The following MAGI2 variants were observed in gnomAD, a reference collection of about 807,000 sequenced individuals.
The protein encoded by MAGI2 is membrane associated guanylate kinase, WW and PDZ domain containing 2, also known as membrane-associated guanylate kinase, WW and PDZ domain-containing protein 2.
A neutral mutation model predicts 133.3 loss-of-function variants in MAGI2; 35 were observed. The observed-to-expected ratio is 0.26, with a 90% CI of 0.20 to 0.35. MAGI2 has a LOEUF of 0.35. MAGI2 is among the 10% of genes least tolerant of loss of function. MAGI2 has a pLI of 1.00. For synonymous variants in MAGI2, 729 were observed against 710.6 expected, an observed-to-expected ratio of 1.03 and a Z score of -0.41; for missense variants, 1,636 against 1,863.4, an observed-to-expected ratio of 0.88 and a Z score of 2.25.
chr7:78,883,239 T>A (rs1361625081), intron 2 of MAGI2, among the ~76,000 whole-genome samples: 5 of 151,618 alleles, frequency 3.3e-5, no homozygotes, highest in African/African-American at 1.2e-4. Flanking sequence ...CAAGACGCAA[T>A]CCCATTTGTA....
At chr7:78,800,371 T>G (rs984166594) in intron 2 of MAGI2, among the ~76,000 whole-genome samples, 1 of 152,124 alleles carries the variant, frequency 6.6e-6, no homozygotes, top group African/African-American at 2.4e-5. Flanking sequence ...CCTTCCATAT[T>G]GTGGCTCCCT....
intron 1 of MAGI2, among the ~76,000 whole-genome samples, chr7:79,397,180 G>T (rs1192706683): frequency 4.0e-5 from 6 of 148,736 alleles, no homozygotes. Context: ...ATATATATAT[G>T]TTATTTTAGT....
intron 1 of MAGI2, among the ~76,000 whole-genome samples, chr7:79,072,834 A>G (rs1004210086): frequency 6.6e-6 from 1 of 152,204 alleles, no homozygotes; most frequent in Non-Finnish European, 1.5e-5. Flanking sequence ...TTGTAAAACT[A>G]TATAATGAAG....
chr7:78,625,110 T>A (rs188497205), intron 3 of MAGI2, among the ~76,000 whole-genome samples: 2 of 152,208 alleles, frequency 1.3e-5, no homozygotes, highest in Non-Finnish European at 2.9e-5. Flanking sequence ...GGCTAATGTG[T>A]GTGGTTGTGT....
At chr7:78,738,348 G>T (rs1480693645) in intron 2 of MAGI2, among the ~76,000 whole-genome samples, 1 of 151,660 alleles carries the variant, frequency 6.6e-6, no homozygotes, top group African/African-American at 2.4e-5. Flanking sequence ...AATATTTTAA[G>T]ACTTTTTTTT....
At chr7:78,491,042 T>C (rs1437986123) in intron 5 of MAGI2, among the ~76,000 whole-genome samples, 6 of 152,130 alleles carry the variant, frequency 3.9e-5, no homozygotes, top group Admixed American at 3.9e-4. Context: ...AATGATGATA[T>C]AAATTTCACA....
intron 7 of MAGI2, among the ~76,000 whole-genome samples, chr7:78,353,908 C>G (rs1488689019): frequency 6.6e-6 from 1 of 152,152 alleles, no homozygotes; most frequent in Non-Finnish European, 1.5e-5. Flanking sequence ...TTTGTTTAGT[C>G]TGAAGATCTC....
intron 9 of MAGI2, among the ~76,000 whole-genome samples, chr7:78,269,648 A>G (rs1794369090): frequency 6.6e-6 from 1 of 151,578 alleles, no homozygotes; most frequent in African/African-American, 2.4e-5. Context: ...TTTCTTACAC[A>G]TTTGTTTAAG....
At chr7:78,078,646 A>C (rs1815614351) in intron 21 of MAGI2, 1 of 503,508 alleles carries the variant, frequency 2.0e-6, no homozygotes, top group Non-Finnish European at 3.4e-6. Context: ...CTAATATTTA[A>C]GTGGTGCTAG....
chr7:78,645,138 G>A (rs963947076), intron 2 of MAGI2, among the ~76,000 whole-genome samples: 2 of 151,472 alleles, frequency 1.3e-5, no homozygotes, highest in Non-Finnish European at 3.0e-5. Flanking sequence ...GTGTATGTCA[G>A]TGTGTGTCTA....
At chr7:79,407,060 T>C (rs767113085) in intron 1 of MAGI2, among the ~76,000 whole-genome samples, 2 of 152,110 alleles carry the variant, frequency 1.3e-5, no homozygotes, top group Non-Finnish European at 2.9e-5. Flanking sequence ...GAAAGATGGA[T>C]TATTAAAGAA....
intron 1 of MAGI2, among the ~76,000 whole-genome samples, chr7:79,201,053 G>T (rs913495209): frequency 6.6e-6 from 1 of 151,872 alleles, no homozygotes; most frequent in African/African-American, 2.4e-5. Flanking sequence ...TGCAATCAAC[G>T]TACTCCAAGA....
intron 1 of MAGI2, among the ~76,000 whole-genome samples, chr7:79,068,363 T>G (rs1443316245): frequency 6.6e-6 from 1 of 152,200 alleles, no homozygotes; most frequent in East Asian, 1.9e-4. Context: ...ATTTATCCAT[T>G]TCTTCTAGAT....
intron 6 of MAGI2, among the ~76,000 whole-genome samples, chr7:78,421,115 T>TC (rs745997003): frequency 2.8e-4 from 42 of 152,266 alleles, no homozygotes; most frequent in Non-Finnish European, 4.9e-4. Context: ...TTGCAAACAA[T>TC]CACCTTGTCA....
intron 9 of MAGI2, among the ~76,000 whole-genome samples, chr7:78,313,247 G>A (rs1355311813): frequency 1.3e-5 from 2 of 151,982 alleles, no homozygotes; most frequent in East Asian, 3.9e-4. Flanking sequence ...TGAATACCAT[G>A]TACACTATTC....
intron 2 of MAGI2, among the ~76,000 whole-genome samples, chr7:78,858,959 T>C (rs1191122314): frequency 2.0e-5 from 3 of 152,214 alleles, no homozygotes; most frequent in Admixed American, 2.0e-4. Flanking sequence ...AGTTAGCTCT[T>C]CTTGTTGAAT....
chr7:79,101,128 T>A (rs191027968), intron 1 of MAGI2, among the ~76,000 whole-genome samples: 2 of 152,126 alleles, frequency 1.3e-5, no homozygotes, highest in East Asian at 3.9e-4. Flanking sequence ...AAAAACATTA[T>A]ACTTATTTTT....
chr7:78,832,193 A>T (rs1791229574), intron 2 of MAGI2, among the ~76,000 whole-genome samples: 2 of 152,112 alleles, frequency 1.3e-5, no homozygotes, highest in South Asian at 4.1e-4. Flanking sequence ...TCTCTTAAAT[A>T]TTCCTTACAG....
At chr7:79,436,771 T>C (rs1848172359) in intron 1 of MAGI2, among the ~76,000 whole-genome samples, 4 of 152,204 alleles carry the variant, frequency 2.6e-5, no homozygotes, top group Admixed American at 6.6e-5. Context: ...GTTCAATCCC[T>C]GTGGAAAGCA....
Sources: gnomAD v4.1 joint callset for allele counts (sites outside exome capture counted in the v4.1 genomes callset) on GRCh38, gnomAD v4.1.1 for gene constraint, MANE v1.5 for transcripts, NCBI Gene and HGNC (gene_info 2026-07-23, HGNC 2026-07-21) for gene names.